SEPTIN9: variants seen among roughly 807,000 people sequenced by gnomAD.
SEPTIN9 encodes the protein septin 9.
Under a neutral mutation model 56.6 loss-of-function variants are expected in SEPTIN9, and 13 were observed. That is an observed-to-expected ratio of 0.23 (90% CI 0.15 to 0.37). The LOEUF (loss-of-function observed/expected upper bound fraction) is 0.37. Among genes scored for constraint, SEPTIN9 ranks in the 10% least tolerant of loss-of-function variants. The pLI, the probability that SEPTIN9 is intolerant of heterozygous loss-of-function variation, is 1.00. For missense variants in SEPTIN9, 650 were observed against 823.1 expected (o/e 0.79, Z 2.57); for synonymous variants, 332 against 334.1 (o/e 0.99, Z 0.07).
At chr17:77,320,442 T>G in intron 2 of SEPTIN9, 1 of 1,066,930 alleles carries the variant, frequency 9.4e-7, no homozygotes. Context: ...CAAAGGGCGC[T>G]TTTGCTCATT....
At chr17:77,342,840 G>A (rs918643174) in intron 2 of SEPTIN9, among the ~76,000 whole-genome samples, 5 of 152,114 alleles carry the variant, frequency 3.3e-5, no homozygotes, top group Non-Finnish European at 7.4e-5. Flanking sequence ...CTGGCGTGGC[G>A]GTGTGTGCCT....
At chr17:77,390,570 G>A (rs2035505352) in intron 2 of SEPTIN9, among the ~76,000 whole-genome samples, 1 of 148,618 alleles carries the variant, frequency 6.7e-6, no homozygotes, top group African/African-American at 2.5e-5. Context: ...TCCTGCCTCA[G>A]CCTCCCGAGT....
At chr17:77,361,424 T>G (rs2034413145) in intron 2 of SEPTIN9, among the ~76,000 whole-genome samples, 1 of 152,150 alleles carries the variant, frequency 6.6e-6, no homozygotes, top group Non-Finnish European at 1.5e-5. Flanking sequence ...CCTGTGGGAA[T>G]CACAGAGCTT....
chr17:77,439,062 G>T (rs779437576), intron 3 of SEPTIN9, among the ~76,000 whole-genome samples: 4 of 152,196 alleles, frequency 2.6e-5, no homozygotes, highest in Non-Finnish European at 4.4e-5. Context: ...AGCTGAAGGA[G>T]ACTTTGGGGG....
At chr17:77,438,904 A>G (rs957371741) in intron 3 of SEPTIN9, among the ~76,000 whole-genome samples, 4 of 152,204 alleles carry the variant, frequency 2.6e-5, no homozygotes, top group African/African-American at 4.8e-5. Context: ...CAGTTCTGCA[A>G]TCATAGGAAA....
Position 77,453,930 on chromosome 17 carries a change from C to A in SEPTIN9, c.722-28214C>A. On this transcript the variant is annotated intron_variant, in intron 3 of 11. Transcript: ENST00000427177. This position sits in a 1 kb window ranked among gnomAD's most constrained non-coding sequence, Gnocchi z 4.4. ...TGGCTTCCCTGCCGGTGTCAAAGGTCTCAAGGCCCCTTTAAGAAGCCTGTC... is the reference window on the plus strand; with the variant it reads ...TGGCTTCCCTGCCGGTGTCAAAGGTATCAAGGCCCCTTTAAGAAGCCTGTC... The A allele has an allele frequency of 2.2e-6, 1 of 454,752 alleles. No individual in the cohort carries two copies. Among genetic ancestry groups the A allele is most frequent in the Non-Finnish European group, 2.9e-6 (1 of 344,878 alleles). The allele number at this position is 454,752 out of a possible 1,614,324, so 28.2% of individuals were successfully genotyped here. A position where few individuals can be genotyped will look rare whatever the true frequency, so the allele number is the denominator to read the frequency against.
rs569693985 is a variant in SEPTIN9, at chr17:77,475,582, C to T, written c.722-6562C>T. On this transcript the variant is annotated intron_variant, in intron 3 of 11. Coordinates refer to ENST00000427177, the MANE Select transcript of SEPTIN9 (RefSeq NM_001113491.2). This position sits in a 1 kb window ranked among gnomAD's most constrained non-coding sequence, Gnocchi z 4.6. ...AGGGCTGCCGCAGGGGTGCTGGCCC[C>T]AGGGTCTGGATTCAGGGGAGCCTGC... The T allele has an allele frequency of 4.3e-6, 7 of 1,613,488 alleles. No homozygotes were observed. The highest frequency in any genetic ancestry group is 1.7e-5 in the Admixed American group (1 of 59,988).
At chr17:77,484,744 GGT>G (rs1400191470) in intron 4 of SEPTIN9, among the ~76,000 whole-genome samples, 28 of 71,022 alleles carry the variant, frequency 3.9e-4, no homozygotes, top group African/African-American at 5.3e-4. Context: ...TGGTGGTGGT[GGT>G]GGTTGTGATG....
intron 1 of SEPTIN9, among the ~76,000 whole-genome samples, chr17:77,300,713 CA>C (rs2032002822): frequency 7.0e-6 from 1 of 143,220 alleles, no homozygotes; most frequent in African/African-American, 2.6e-5. Context: ...AAACCGCCCC[CA>C]CCCCAGGCTC....
intron 4 of SEPTIN9, among the ~76,000 whole-genome samples, chr17:77,484,968 A>G (rs1458707196): frequency 5.0e-5 from 1 of 20,130 alleles, no homozygotes; most frequent in Non-Finnish European, 9.9e-5. Flanking sequence ...GTGGTGGTGA[A>G]GGGGGTGATG....
At chr17:77,291,031 A>ATTTTTTTTTTTTTTTTTTTT (rs869237556) in intron 1 of SEPTIN9, among the ~76,000 whole-genome samples, 1 of 108,790 alleles carries the variant, frequency 9.2e-6, no homozygotes, top group Non-Finnish European at 1.8e-5. Context: ...TGCCTGGCTA[A>ATTTTTTTTTTTTTTTTTTTT]TTTTTTTTTT....
At chr17:77,296,491 A>G (rs1426936537) in intron 1 of SEPTIN9, among the ~76,000 whole-genome samples, 1 of 152,166 alleles carries the variant, frequency 6.6e-6, no homozygotes, top group Non-Finnish European at 1.5e-5. Context: ...AGACAGGCAG[A>G]CAAATGGATA....
At chr17:77,342,987 A>ATCTGTCTGTCTG (rs1017118260) in intron 2 of SEPTIN9, among the ~76,000 whole-genome samples, 4 of 131,332 alleles carry the variant, frequency 3.0e-5, no homozygotes, top group African/African-American at 1.1e-4. Context: ...AAATCAATGT[A>ATCTGTCTGTCTG]TCTGTCTGTC....
chr17:77,307,751 A>G (rs573979474), intron 2 of SEPTIN9, among the ~76,000 whole-genome samples: 2 of 152,358 alleles, frequency 1.3e-5, no homozygotes, highest in South Asian at 4.1e-4. Context: ...GAAGGGAAAC[A>G]GATGCACCCA....
chr17:77,486,289 A>T (rs1185318735), intron 4 of SEPTIN9, among the ~76,000 whole-genome samples: 1 of 151,496 alleles, frequency 6.6e-6, no homozygotes, highest in African/African-American at 2.4e-5. Context: ...TTTGATGTAG[A>T]GACAGGGTCT....
At chr17:77,290,385 A>G (rs929399377) in intron 1 of SEPTIN9, among the ~76,000 whole-genome samples, 2 of 150,148 alleles carry the variant, frequency 1.3e-5, no homozygotes, top group African/African-American at 4.9e-5. Context: ...AGCATCCCGC[A>G]TAGCTGGGAC....
chr17:77,488,187 T>A lies in SEPTIN9; in HGVS notation c.1043-53T>A. On this transcript the variant is annotated intron_variant, in intron 5 of 11. Transcript: ENST00000427177. Reference sequence around the variant, plus strand: ...CCCGGGGTCAGTCAGGTGTGGGGTGTCTGTGAGGGTCTTCCGTCTCCCCTC... The same window carrying A: ...CCCGGGGTCAGTCAGGTGTGGGGTGACTGTGAGGGTCTTCCGTCTCCCCTC... The A allele has an allele frequency of 1.9e-6, 3 of 1,551,528 alleles. No individual in the cohort carries two copies. In the South Asian group the frequency reaches 3.3e-5, roughly 17 times the overall value.
intron 3 of SEPTIN9, among the ~76,000 whole-genome samples, chr17:77,415,245 C>T (rs1184687666): frequency 6.6e-6 from 1 of 152,128 alleles, no homozygotes; most frequent in Non-Finnish European, 1.5e-5. Context: ...GCGCAGCAGG[C>T]AGAGGTGCAA....
At chr17:77,294,734 T>C (rs2031727945) in intron 1 of SEPTIN9, 1 of 152,762 alleles carries the variant, frequency 6.5e-6, no homozygotes, top group African/African-American at 2.4e-5. Context: ...AATCCTTTGC[T>C]TACAACTTCA....
Sources: allele counts gnomAD v4.1 joint callset (sites outside exome capture counted in the v4.1 genomes callset), GRCh38; gene constraint gnomAD v4.1.1; non-coding constraint Gnocchi (gnomAD v3.1); transcripts MANE v1.5; gene names NCBI Gene and HGNC (gene_info 2026-07-23, HGNC 2026-07-21).